The following CSMD1 variants were observed in gnomAD, a reference collection of about 807,000 sequenced individuals.
CSMD1 encodes the protein CUB and Sushi multiple domains 1.
A neutral mutation model predicts 417.5 loss-of-function variants in CSMD1; 213 were observed. The ratio of observed to expected loss-of-function variants is 0.51; its 90% CI spans 0.46 to 0.57. CSMD1 has a LOEUF of 0.57. Ranked by LOEUF, CSMD1 falls within the 20% of genes least tolerant of loss-of-function variation. The probability of loss-of-function intolerance (pLI) is 0.00; values close to 1 mark genes in which losing one functional copy is unlikely to be tolerated. For synonymous variants in CSMD1, 2,862 were observed against 1,736.8 expected (o/e 1.65, Z -16.11); for missense variants, 6,923 against 4,529.7 (o/e 1.53, Z -15.17).
intron 4 of CSMD1, among the ~76,000 whole-genome samples, chr8:4,017,508 G>C (rs1472876905): frequency 6.6e-6 from 1 of 152,076 alleles, no homozygotes; most frequent in East Asian, 1.9e-4. Flanking sequence ...GTTTCTCCAT[G>C]TTGGTCAGGC....
chr8:4,255,875 T>C (rs1176777212), intron 3 of CSMD1, among the ~76,000 whole-genome samples: 1 of 152,220 alleles, frequency 6.6e-6, no homozygotes, highest in Non-Finnish European at 1.5e-5. Flanking sequence ...CTTTCTAACC[T>C]CCCTGCTAAT....
chr8:3,395,097 G>A (rs1040817290), intron 17 of CSMD1, among the ~76,000 whole-genome samples: 1 of 152,108 alleles, frequency 6.6e-6, no homozygotes, highest in African/African-American at 2.4e-5. Context: ...TGTGGGGAAT[G>A]GAAGGCAAGA....
At chr8:4,962,987 A>C (rs1014533123) in intron 1 of CSMD1, among the ~76,000 whole-genome samples, 1 of 152,062 alleles carries the variant, frequency 6.6e-6, no homozygotes, top group African/African-American at 2.4e-5. Flanking sequence ...GAATCTAGTG[A>C]CGCTATATAC....
At chr8:4,798,774 T>A (rs1258179272) in intron 1 of CSMD1, among the ~76,000 whole-genome samples, 12 of 152,214 alleles carry the variant, frequency 7.9e-5, no homozygotes, top group Admixed American at 7.9e-4. Flanking sequence ...AAAACCTCAT[T>A]AGTAGAACTT....
At chr8:4,679,838 A>C (rs978435031) in intron 1 of CSMD1, among the ~76,000 whole-genome samples, 11 of 152,170 alleles carry the variant, frequency 7.2e-5, no homozygotes, top group Non-Finnish European at 1.5e-4. Context: ...AATATGTAAT[A>C]GATTAAATAT....
At chr8:4,362,651 A>C (rs1468706493) in intron 3 of CSMD1, among the ~76,000 whole-genome samples, 1 of 152,212 alleles carries the variant, frequency 6.6e-6, no homozygotes, top group Non-Finnish European at 1.5e-5. Flanking sequence ...TACTGGCCTC[A>C]AGAAGGAAAG....
At chr8:4,285,077 T>A (rs1363748907) in intron 3 of CSMD1, among the ~76,000 whole-genome samples, 1 of 152,178 alleles carries the variant, frequency 6.6e-6, no homozygotes, top group East Asian at 1.9e-4. Context: ...TGATGCCTAG[T>A]GTGTAGGAAA....
intron 5 of CSMD1, among the ~76,000 whole-genome samples, chr8:3,915,060 A>C (rs1218053952): frequency 6.6e-6 from 1 of 152,138 alleles, no homozygotes; most frequent in African/African-American, 2.4e-5. Flanking sequence ...GGCAGGGAAT[A>C]GTTATTGAAT....
intron 12 of CSMD1, among the ~76,000 whole-genome samples, chr8:3,418,010 T>A (rs1813265175): frequency 6.6e-6 from 1 of 152,194 alleles, no homozygotes; most frequent in Non-Finnish European, 1.5e-5. Context: ...CGGATTGCTG[T>A]TACAGTGGCC....
intron 12 of CSMD1, among the ~76,000 whole-genome samples, chr8:3,457,890 A>G (rs1035069825): frequency 5.9e-5 from 9 of 152,244 alleles, no homozygotes; most frequent in African/African-American, 2.2e-4. Flanking sequence ...CATGGAACAC[A>G]TGAGAAATGA....
intron 5 of CSMD1, among the ~76,000 whole-genome samples, chr8:3,793,012 C>T (rs568464565): frequency 2.0e-5 from 3 of 152,290 alleles, no homozygotes; most frequent in African/African-American, 7.2e-5. Flanking sequence ...AATTTCCTCA[C>T]TCTGCTTAAA....
At chr8:4,969,349 G>A (rs534424398) in intron 1 of CSMD1, among the ~76,000 whole-genome samples, 77 of 151,910 alleles carry the variant, frequency 5.1e-4, no homozygotes, top group African/African-American at 1.8e-3. Context: ...CTTATATAAT[G>A]AGGAAAGCAT....
intron 16 of CSMD1, 74 bp from the exon 17 acceptor site, chr8:3,396,455 T>A (rs1402222286): frequency 1.9e-6 from 2 of 1,074,786 alleles, no homozygotes; most frequent in Admixed American, 3.0e-5. Flanking sequence ...GACATCCTCA[T>A]TCCTTAATCA....
chr8:3,878,650 C>T (rs932979841), intron 5 of CSMD1, among the ~76,000 whole-genome samples: 1 of 152,146 alleles, frequency 6.6e-6, no homozygotes, highest in African/African-American at 2.4e-5. Context: ...CTCCAAAAGA[C>T]CCAAATAAGT....
intron 2 of CSMD1, among the ~76,000 whole-genome samples, chr8:4,489,972 T>C (rs142088652): frequency 2.6e-5 from 4 of 151,914 alleles, no homozygotes; most frequent in African/African-American, 4.8e-5. Flanking sequence ...AGGAAGTGAA[T>C]GCCAATTGCC....
At chr8:4,044,109 G>T (rs2740907) in intron 3 of CSMD1, among the ~76,000 whole-genome samples, 94,619 of 151,914 alleles carry the variant, frequency 0.62, 30,909 homozygotes, top group African/African-American at 0.84. Context: ...TATTTGATAT[G>T]ATATTTTCTG....
intron 8 of CSMD1, among the ~76,000 whole-genome samples, chr8:3,587,945 A>G (rs931416189): frequency 6.6e-6 from 1 of 152,158 alleles, no homozygotes; most frequent in Non-Finnish European, 1.5e-5. Flanking sequence ...AAAATACAAA[A>G]AAACAAAACC....
intron 1 of CSMD1, among the ~76,000 whole-genome samples, chr8:4,742,260 G>T (rs889297907): frequency 2.6e-5 from 4 of 151,170 alleles, no homozygotes; most frequent in African/African-American, 7.3e-5. Context: ...TCGATCTCCT[G>T]ACCTCATGAT....
At chr8:3,723,998 T>C (rs1299595604) in intron 6 of CSMD1, among the ~76,000 whole-genome samples, 1 of 51,594 alleles carries the variant, frequency 1.9e-5, no homozygotes, top group Non-Finnish European at 1.0e-4. Flanking sequence ...CACTATTATC[T>C]AAGAGGGATA....
Sources: gnomAD v4.1 joint callset for allele counts (sites outside exome capture counted in the v4.1 genomes callset) on GRCh38, gnomAD v4.1.1 for gene constraint, MANE v1.5 for transcripts, NCBI Gene and HGNC (gene_info 2026-07-23, HGNC 2026-07-21) for gene names.